FBXW4: variants seen among roughly 807,000 people sequenced by gnomAD.
FBXW4 encodes F-box/WD repeat-containing protein 4.
In FBXW4, 40 loss-of-function variants were observed where a neutral mutation model predicts 61.8. That is an observed-to-expected ratio of 0.65 (90% CI 0.50 to 0.84). FBXW4 has a LOEUF of 0.84. Among genes scored for constraint, FBXW4 ranks in the 40% least tolerant of loss-of-function variants. The pLI is 0.00. For synonymous variants in FBXW4, 311 were observed against 313.8 expected, an observed-to-expected ratio of 0.99 and a Z score of 0.10; for missense variants, 672 against 753.8, an observed-to-expected ratio of 0.89 and a Z score of 1.27.
intron 5 of FBXW4, among the ~76,000 whole-genome samples, chr10:101,638,354 A>G (rs2064022320): frequency 6.6e-6 from 1 of 152,194 alleles, no homozygotes; most frequent in Admixed American, 6.5e-5. Flanking sequence ...CAAGCTGCAG[A>G]ACAAATGTAT....
In FBXW4 at chr10:101,611,362, G is replaced by A. The variant is rs778569309; in HGVS notation, c.1633C>T (p.Arg545Cys). The change falls in exon 9 of 9, where the codon CGT (arginine) becomes TGT (cysteine). Residue 545 changes from arginine (R) to cysteine (C), a missense_variant. By Grantham distance (180) the Arg-to-Cys change is radical (BLOSUM62 -3). This residue lies in a region of FBXW4 where 312 missense variants were observed against 370.1 expected (regional missense o/e 0.84). Coordinates refer to ENST00000331272, the MANE Select transcript of FBXW4 (RefSeq NM_022039.4). The surrounding 1 kb of genome is among the most constrained non-coding windows in gnomAD (Gnocchi z 4.9). ...GCATAGAGATGCTTGGTGGTGAGAC[G>A]CAGGCAGTACACAGGGCTGCTGAGG... Reference protein sequence around the residue: ...TPLSSPVYCLRLTTKHLYAAL... With the variant: ...TPLSSPVYCLCLTTKHLYAAL... 7.7e-5 allele frequency: 124 copies of A among 1,614,130 alleles called. No homozygotes were observed. The highest frequency in any genetic ancestry group is 1.0e-4 in the Non-Finnish European group (118 of 1,179,988).
chr10:101,670,831 G>A (rs1453831250), intron 4 of FBXW4, among the ~76,000 whole-genome samples: 1 of 152,236 alleles, frequency 6.6e-6, no homozygotes, highest in African/African-American at 2.4e-5. Context: ...CACAATCCAA[G>A]CTAAGTCACA....
intron 4 of FBXW4, among the ~76,000 whole-genome samples, chr10:101,672,114 C>T (rs2064362922): frequency 6.6e-6 from 1 of 152,130 alleles, no homozygotes; most frequent in African/African-American, 2.4e-5. Context: ...CATTTTTTTC[C>T]TGTTAGCACT....
At chr10:101,687,182 C>T (rs1023052390) in intron 1 of FBXW4, among the ~76,000 whole-genome samples, 8 of 152,088 alleles carry the variant, frequency 5.3e-5, no homozygotes, top group African/African-American at 1.7e-4. Context: ...ACCTGCCACC[C>T]CATCCTCATC....
At chr10:101,685,696 TA>T (rs959679681) in intron 1 of FBXW4, among the ~76,000 whole-genome samples, 41 of 152,178 alleles carry the variant, frequency 2.7e-4, no homozygotes, top group African/African-American at 8.9e-4. Context: ...CTTGCTTTTT[TA>T]AAAAAAAATG....
At chr10:101,620,615 A>T (rs1461862318) in intron 6 of FBXW4, among the ~76,000 whole-genome samples, 1 of 152,222 alleles carries the variant, frequency 6.6e-6, no homozygotes, top group Admixed American at 6.5e-5. Flanking sequence ...GGAAGAACTG[A>T]GGCCATAGTT....
At chr10:101,636,410 C>A (rs201774923) in intron 5 of FBXW4, among the ~76,000 whole-genome samples, 77 of 148,396 alleles carry the variant, frequency 5.2e-4, no homozygotes, top group Middle Eastern at 3.5e-3. Flanking sequence ...AAAAAAAAAA[C>A]AAAAAAGAAT....
intron 1 of FBXW4, among the ~76,000 whole-genome samples, chr10:101,691,496 CAT>C (rs1448800320): frequency 1.3e-5 from 2 of 152,208 alleles, no homozygotes; most frequent in African/African-American, 2.4e-5. Flanking sequence ...TCAAAACACA[CAT>C]GTCTAATAAA....
At chr10:101,667,056 TC>T (rs1191888906) in intron 5 of FBXW4, among the ~76,000 whole-genome samples, 2 of 151,414 alleles carry the variant, frequency 1.3e-5, no homozygotes, top group African/African-American at 4.9e-5. Context: ...ACAGTGAAAC[TC>T]CGTCTCTACT....
chr10:101,641,560 A>G (rs770349219), intron 5 of FBXW4, among the ~76,000 whole-genome samples: 8 of 152,252 alleles, frequency 5.3e-5, no homozygotes, highest in Non-Finnish European at 1.2e-4. Context: ...TCTGAGTGAC[A>G]TGTGCACACA....
chr10:101,694,382 G>C lies in FBXW4; in HGVS notation c.724C>G (p.Leu242Val). The change falls in exon 1 of 9, where the codon CTG becomes GTG. Residue 242 changes from leucine to valine, a missense_variant and splice_region_variant. By Grantham distance (32) the Leu-to-Val change is conservative. Transcript: ENST00000331272. The surrounding 1 kb of genome is among the most constrained non-coding windows in gnomAD (Gnocchi z 6.0). ...NSGFTRLGTD[L>V]MTSVPVKERV... ...GCGGGCGGGCGAGCGGACGCTTACA[G>C]GTCGGTGCCGAGCCGCGTGAAGCCG... The C allele has an allele frequency of 7.0e-7, 1 of 1,431,342 alleles. No individual in the cohort carries two copies. Among genetic ancestry groups the C allele is most frequent in the Non-Finnish European group, 9.1e-7 (1 of 1,103,616 alleles). The allele number at this position is 1,431,342 out of a possible 1,614,324, so 88.7% of individuals were successfully genotyped here.
intron 5 of FBXW4, among the ~76,000 whole-genome samples, chr10:101,644,786 C>A (rs960949493): frequency 2.6e-5 from 4 of 152,234 alleles, no homozygotes; most frequent in African/African-American, 9.6e-5. Context: ...AGGTACACAG[C>A]TGAGCTGCCC....
intron 6 of FBXW4, among the ~76,000 whole-genome samples, chr10:101,613,445 G>A (rs936571820): frequency 5.9e-5 from 9 of 152,348 alleles, no homozygotes; most frequent in African/African-American, 2.2e-4. Context: ...CCCGTGAGAC[G>A]CTGGGCTTTC....
At chr10:101,635,474 C>T (rs1204472763) in intron 5 of FBXW4, among the ~76,000 whole-genome samples, 6 of 152,028 alleles carry the variant, frequency 3.9e-5, no homozygotes, top group African/African-American at 1.4e-4. Context: ...TGAAACCAGT[C>T]CCTGGTGCCA....
In FBXW4 at chr10:101,695,072, T is replaced by G; in HGVS notation, c.34A>C (p.Asn12His). 1.0e-6 allele frequency: 1 copy of G among 986,630 alleles called. No individual in the cohort carries two copies. Among genetic ancestry groups the G allele is most frequent in the Non-Finnish European group, 1.2e-6 (1 of 831,162 alleles). 61.1% of individuals were successfully genotyped at this position (986,630 alleles called of 1,614,324 possible). A position where few individuals can be genotyped will look rare whatever the true frequency, so the allele number is the denominator to read the frequency against. The stretch of plus-strand genomic sequence containing the variant: ...CCCTCGCCCTCGCCGGGCCCGCCGT[T>G]CCCGGGGGGCCCCGAGCGGCCCTGG... ...GSQGRSGPPG[N>H]GGPGEGEGGE... is the part of the protein sequence containing the mutation. The change falls in exon 1 of 9, where the codon AAC becomes CAC. Residue 12 changes from asparagine to histidine, a missense_variant. Asn to His is a moderately conservative substitution (Grantham distance 68). This residue lies in a region of FBXW4 where 38 missense variants were observed against 43.3 expected (regional missense o/e 0.88). Coordinates refer to ENST00000331272, the MANE Select transcript of FBXW4 (RefSeq NM_022039.4). This position sits in a 1 kb window ranked among gnomAD's most constrained non-coding sequence, Gnocchi z 4.2.
At chr10:101,671,089 G>T (rs547435048) in intron 4 of FBXW4, among the ~76,000 whole-genome samples, 1 of 152,360 alleles carries the variant, frequency 6.6e-6, no homozygotes, top group South Asian at 2.1e-4. Context: ...AATTTCAGAT[G>T]CCACTGAAAA....
At chr10:101,684,825 T>C (rs1312532672) in intron 1 of FBXW4, among the ~76,000 whole-genome samples, 3 of 152,212 alleles carry the variant, frequency 2.0e-5, no homozygotes, top group African/African-American at 4.8e-5. Flanking sequence ...CTTTATATCA[T>C]GTTAAATTGC....
intron 5 of FBXW4, among the ~76,000 whole-genome samples, chr10:101,646,381 A>G (rs992082514): frequency 6.6e-6 from 1 of 151,752 alleles, no homozygotes; most frequent in African/African-American, 2.4e-5. Context: ...CCCAACCCTC[A>G]CTCCCTACCA....
intron 5 of FBXW4, chr10:101,659,547 G>T (rs2064222862): frequency 2.7e-6 from 1 of 369,040 alleles, no homozygotes; most frequent in African/African-American, 2.2e-5. Flanking sequence ...TGCTTCATGT[G>T]TGTCTAGTAC....
Sources: allele counts gnomAD v4.1 joint callset (sites outside exome capture counted in the v4.1 genomes callset), GRCh38; gene constraint gnomAD v4.1.1; regional missense constraint gnomAD v4.1.1; non-coding constraint Gnocchi (gnomAD v3.1); transcripts MANE v1.5; gene names NCBI Gene and HGNC (gene_info 2026-07-23, HGNC 2026-07-21).